The following NFASC variants were observed in gnomAD, a reference collection of about 807,000 sequenced individuals.
NFASC encodes the protein neurofascin homolog.
NFASC carries 43 observed loss-of-function variants against 147.5 expected under a neutral mutation model. The observed-to-expected ratio is 0.29, with a 90% confidence interval of 0.23 to 0.38. NFASC has a LOEUF of 0.38. Ranked by LOEUF, NFASC falls within the 10% of genes least tolerant of loss-of-function variation. The probability of loss-of-function intolerance (pLI) is 1.00; values close to 1 mark genes in which losing one functional copy is unlikely to be tolerated. For missense variants in NFASC, 1,320 were observed against 1,689.0 expected, an observed-to-expected ratio of 0.78 and a Z score of 3.83; for synonymous variants, 622 against 665.5, an observed-to-expected ratio of 0.93 and a Z score of 1.01.
chr1:204,876,841 G>A (rs1320835117), intron 1 of NFASC, among the ~76,000 whole-genome samples: 1 of 151,354 alleles, frequency 6.6e-6, no homozygotes, highest in East Asian at 1.9e-4. Context: ...AGAATCGTGG[G>A]ACTCATAAAT....
chr1:204,975,977 G>A lies in NFASC; in HGVS notation c.1706+559G>A, dbSNP rs72753409. On this transcript the variant is annotated intron_variant, in intron 15 of 29. Transcript: ENST00000339876. The surrounding 1 kb of genome is among the most constrained non-coding windows in gnomAD (Gnocchi z 4.0). ...TTTAAAAGTCCCCCTGGGGGTTCCA[G>A]TGTGCATCAGGGTTGAGAACCACTG... Among the ~76,000 whole-genome samples, 3,846 of 152,290 alleles carry A rather than the reference G, an allele frequency of 0.025. 91 individuals are homozygous for A. Among genetic ancestry groups the A allele is most frequent in the Middle Eastern group, 0.092 (27 of 294 alleles).
At chr1:204,939,038 A>ATGGATGTG (rs1553266033) in intron 2 of NFASC, among the ~76,000 whole-genome samples, 1,325 of 123,658 alleles carry the variant, frequency 0.011, 17 homozygotes, top group South Asian at 0.018. Flanking sequence ...GTATGGATGG[A>ATGGATGTG]TGTGTGTGTG....
rs773291688 is a variant in NFASC at position 205,016,962 on chromosome 1, A to G, written c.*423A>G. ...TGTCTCTGTTTTCTTTTCCTTTTGA[A>G]AAAGAGTCCCTGGAAAAGAAAGAAT... On this transcript the variant is annotated 3_prime_UTR_variant, in exon 30 of 30. Coordinates refer to ENST00000339876, the MANE Select transcript of NFASC (RefSeq NM_001005388.3). The surrounding 1 kb of genome is among the most constrained non-coding windows in gnomAD (Gnocchi z 5.1). 6.7e-6 allele frequency: 2 copies of G among 296,544 alleles called. No individual in the cohort carries two copies. Among genetic ancestry groups the G allele is most frequent in the Non-Finnish European group, 1.3e-5 (2 of 149,274 alleles). The allele number at this position is 296,544 out of a possible 1,614,324, so 18.4% of individuals were successfully genotyped here. A position where few individuals can be genotyped will look rare whatever the true frequency, so the allele number is the denominator to read the frequency against.
At chr1:204,898,028 G>T (rs1035599036) in intron 1 of NFASC, among the ~76,000 whole-genome samples, 4 of 152,142 alleles carry the variant, frequency 2.6e-5, no homozygotes, top group African/African-American at 7.2e-5. Flanking sequence ...GTAAGCCACC[G>T]CACCAAGCCG....
At chr1:205,007,754 T>C (rs559707337) in intron 27 of NFASC, among the ~76,000 whole-genome samples, 117 of 152,186 alleles carry the variant, frequency 7.7e-4, no homozygotes, top group African/African-American at 2.6e-3. Flanking sequence ...GCATAAAGCA[T>C]GAGGACAGGG....
intron 1 of NFASC, among the ~76,000 whole-genome samples, chr1:204,909,474 GAAAGTTCTTC>G (rs141382543): frequency 0.015 from 2,236 of 152,246 alleles, 68 homozygotes; most frequent in African/African-American, 0.051. Context: ...GCTGAATTTT[GAAAGTTCTTC>G]ACATATTCTA....
At chr1:204,923,702 A>T (rs2090971406) in intron 2 of NFASC, among the ~76,000 whole-genome samples, 1 of 151,724 alleles carries the variant, frequency 6.6e-6, no homozygotes, top group Non-Finnish European at 1.5e-5. Flanking sequence ...CTGCCCCCAA[A>T]CCGATTTCAG....
chr1:204,993,098 G>A (rs1242381905), intron 24 of NFASC, among the ~76,000 whole-genome samples: 2 of 152,110 alleles, frequency 1.3e-5, no homozygotes, highest in Non-Finnish European at 2.9e-5. Context: ...AACGAAACTC[G>A]GGTTCCATGT....
At chr1:205,011,830 A>C (rs1367890448) in intron 28 of NFASC, among the ~76,000 whole-genome samples, 1 of 152,214 alleles carries the variant, frequency 6.6e-6, no homozygotes, top group Non-Finnish European at 1.5e-5. Context: ...CTGTAATCCC[A>C]GCACTTTGGG....
Position 205,016,189 on chromosome 1 carries a change from G to A in NFASC, c.3492-119G>A, listed in dbSNP as rs187809495. Reference sequence around the variant, plus strand: ...GGCTGGACAGGGGAGGGTGAAGCGGGGGCTGGACTGGGCGGTCTCCTGGAT... The same window carrying A: ...GGCTGGACAGGGGAGGGTGAAGCGGAGGCTGGACTGGGCGGTCTCCTGGAT... On this transcript the variant is annotated intron_variant, in intron 29 of 29. Transcript: ENST00000339876. This position sits in a 1 kb window ranked among gnomAD's most constrained non-coding sequence, Gnocchi z 5.1. The A allele has an allele frequency of 6.8e-4, 493 of 727,348 alleles. 4 individuals are homozygous for A. The Admixed American group carries it at 8.9e-3, about 13-fold the overall frequency. 45.1% of individuals were successfully genotyped at this position (727,348 alleles called of 1,614,324 possible).
rs1446470789 is a variant in NFASC at position 205,021,409 on chromosome 1, G to T, written c.*4870G>T. ...TCCTATCAGCACACTAGTATTAAATGGGTGTTCCATAATGAGGAGAATGGA... is the reference window on the plus strand; with the variant it reads ...TCCTATCAGCACACTAGTATTAAATTGGTGTTCCATAATGAGGAGAATGGA... On this transcript the variant is annotated 3_prime_UTR_variant, in exon 30 of 30. Transcript: ENST00000339876. 6.6e-6 allele frequency: 1 copy of T among 152,658 alleles called. No homozygotes were observed. Among genetic ancestry groups the T allele is most frequent in the Non-Finnish European group, 1.5e-5 (1 of 68,036 alleles). 9.5% of individuals were successfully genotyped at this position (152,658 alleles called of 1,614,324 possible). A position where few individuals can be genotyped will look rare whatever the true frequency, so the allele number is the denominator to read the frequency against.
intron 1 of NFASC, among the ~76,000 whole-genome samples, chr1:204,853,413 C>A (rs532246294): frequency 6.6e-6 from 1 of 152,282 alleles, no homozygotes; most frequent in South Asian, 2.1e-4. Context: ...TCCCCCATGT[C>A]CCCCATTTAG....
Position 205,019,618 on chromosome 1 carries a change from C to T in NFASC, c.*3079C>T, listed in dbSNP as rs1286435842. On this transcript the variant is annotated 3_prime_UTR_variant, in exon 30 of 30. Transcript: ENST00000339876. ...ACAGTCCTAAAATCAAGTGCTAGGA[C>T]ACAGTGGCCATTGAGCTGGGAGCAT... The T allele has an allele frequency of 6.6e-6, 1 of 152,228 alleles. No individual in the cohort carries two copies. The highest frequency in any genetic ancestry group is 1.5e-5 in the Non-Finnish European group (1 of 68,060). The allele number at this position is 152,228 out of a possible 1,614,324, so 9.4% of individuals were successfully genotyped here. A position where few individuals can be genotyped will look rare whatever the true frequency, so the allele number is the denominator to read the frequency against.
At chr1:204,938,870 A>G (rs1394646969) in intron 2 of NFASC, among the ~76,000 whole-genome samples, 1 of 152,184 alleles carries the variant, frequency 6.6e-6, no homozygotes, top group East Asian at 1.9e-4. Flanking sequence ...TGTATGTTTG[A>G]AGAGTGTCCA....
At chr1:204,895,161 C>G (rs1171756116) in intron 1 of NFASC, among the ~76,000 whole-genome samples, 1 of 152,180 alleles carries the variant, frequency 6.6e-6, no homozygotes, top group South Asian at 2.1e-4. Flanking sequence ...TCCTCTCCAT[C>G]CAAACTGGTA....
chr1:204,886,991 T>G (rs2081417582), intron 1 of NFASC, among the ~76,000 whole-genome samples: 1 of 152,160 alleles, frequency 6.6e-6, no homozygotes, highest in Admixed American at 6.5e-5. Flanking sequence ...TGTGATAAAA[T>G]ATACATAATA....
rs532503891 is a variant in NFASC, at chr1:204,954,649, C to G, written c.413-180C>G. Among the ~76,000 whole-genome samples the G allele has an allele frequency of 1.7e-4, 26 of 152,338 alleles. No individual in the cohort carries two copies. Among genetic ancestry groups the G allele is most frequent in the Middle Eastern group, 3.4e-3 (1 of 294 alleles). Reference sequence around the variant, plus strand: ...GGGGAGCCTTGAAGATGCCTCCCTTCTCCTGCCTCTCAAGGGCGGCCCCTT... The same window carrying G: ...GGGGAGCCTTGAAGATGCCTCCCTTGTCCTGCCTCTCAAGGGCGGCCCCTT... On this transcript the variant is annotated intron_variant, in intron 6 of 29. Coordinates refer to ENST00000339876, the MANE Select transcript of NFASC (RefSeq NM_001005388.3). The surrounding 1 kb of genome is among the most constrained non-coding windows in gnomAD (Gnocchi z 5.7).
chr1:204,896,598 C>T (rs1015776431), intron 1 of NFASC, among the ~76,000 whole-genome samples: 16 of 152,280 alleles, frequency 1.1e-4, no homozygotes, highest in African/African-American at 3.1e-4. Context: ...GGGACACAAG[C>T]CAGGGTCTCT....
chr1:204,872,018 G>C (rs149052825), intron 1 of NFASC, among the ~76,000 whole-genome samples: 1 of 152,370 alleles, frequency 6.6e-6, no homozygotes, highest in African/African-American at 2.4e-5. Context: ...TTTGGATCCA[G>C]TGACTTTAAA....
Sources: allele counts gnomAD v4.1 joint callset (sites outside exome capture counted in the v4.1 genomes callset), GRCh38; gene constraint gnomAD v4.1.1; non-coding constraint Gnocchi (gnomAD v3.1); transcripts MANE v1.5; gene names NCBI Gene and HGNC (gene_info 2026-07-23, HGNC 2026-07-21).